ZSWIM6: variants seen among roughly 807,000 people sequenced by gnomAD.
The protein encoded by ZSWIM6 is zinc finger SWIM-type containing 6.
A neutral mutation model predicts 113.2 loss-of-function variants in ZSWIM6; 9 were observed. The observed-to-expected ratio is 0.08, with a 90% CI of 0.05 to 0.14. The LOEUF (loss-of-function observed/expected upper bound fraction) is 0.14, where lower values mean the gene tolerates loss of function less well. ZSWIM6 is among the 10% of genes least tolerant of loss of function. The pLI, the probability that ZSWIM6 is intolerant of heterozygous loss-of-function variation, is 1.00. For synonymous variants in ZSWIM6, 611 were observed against 606.5 expected, an observed-to-expected ratio of 1.01 and a Z score of -0.11; for missense variants, 1,162 against 1,552.2, an observed-to-expected ratio of 0.75 and a Z score of 4.22.
intron 1 of ZSWIM6, among the ~76,000 whole-genome samples, chr5:61,363,425 A>G (rs542751308): frequency 1.3e-5 from 2 of 152,342 alleles, no homozygotes; most frequent in East Asian, 3.9e-4. Flanking sequence ...ATTTTATAGT[A>G]CTTACCTTGC....
At chr5:61,518,597 A>G (rs989748944) in intron 4 of ZSWIM6, among the ~76,000 whole-genome samples, 2 of 152,126 alleles carry the variant, frequency 1.3e-5, no homozygotes, top group Admixed American at 6.5e-5. Flanking sequence ...CTTTTGAGAA[A>G]TGTCTGTTCA....
At chr5:61,348,923 C>T (rs1024405189) in intron 1 of ZSWIM6, among the ~76,000 whole-genome samples, 3 of 152,118 alleles carry the variant, frequency 2.0e-5, no homozygotes, top group Admixed American at 6.5e-5. Flanking sequence ...GCCTGATTCA[C>T]GGTCTTTTCC....
intron 1 of ZSWIM6, among the ~76,000 whole-genome samples, chr5:61,385,938 C>T (rs1351564180): frequency 6.6e-6 from 1 of 152,108 alleles, no homozygotes; most frequent in African/African-American, 2.4e-5. Context: ...AGGGGGAGAA[C>T]CCTCCCAATA....
chr5:61,333,514 C>T (rs1412230759), intron 1 of ZSWIM6, among the ~76,000 whole-genome samples: 2 of 152,008 alleles, frequency 1.3e-5, no homozygotes. Flanking sequence ...CCGCTCCTCC[C>T]AGGGCTCCGA....
chr5:61,436,128 G>A (rs1746701536), intron 1 of ZSWIM6, among the ~76,000 whole-genome samples: 1 of 151,458 alleles, frequency 6.6e-6, no homozygotes, highest in African/African-American at 2.4e-5. Context: ...TTGAACCCAG[G>A]AGGCAGAAAT....
intron 1 of ZSWIM6, among the ~76,000 whole-genome samples, chr5:61,431,029 T>C (rs1180278545): frequency 6.6e-6 from 1 of 152,164 alleles, no homozygotes; most frequent in Non-Finnish European, 1.5e-5. Context: ...AGAAGGGATA[T>C]GTATGAGAGG....
intron 11 of ZSWIM6, 96 bp from the exon 12 acceptor site, chr5:61,539,500 C>A: frequency 7.5e-7 from 1 of 1,332,654 alleles, no homozygotes; most frequent in Non-Finnish European, 9.9e-7. Context: ...CTTTTTTCCC[C>A]CTCTGTGTGT....
At chr5:61,490,640 A>G (rs1748154910) in intron 2 of ZSWIM6, 146 bp from the exon 3 acceptor site, 1 of 738,874 alleles carries the variant, frequency 1.4e-6, no homozygotes, top group South Asian at 2.1e-5. Context: ...AATAAGAGTG[A>G]TCCTTGTATT....
chr5:61,370,094 T>G (rs1025442544), intron 1 of ZSWIM6, among the ~76,000 whole-genome samples: 2 of 152,248 alleles, frequency 1.3e-5, no homozygotes, highest in African/African-American at 4.8e-5. Context: ...TTTTTTCTTT[T>G]GCATCCTCTG....
intron 1 of ZSWIM6, chr5:61,391,257 T>TA: frequency 3.3e-6 from 3 of 898,788 alleles, no homozygotes; most frequent in Non-Finnish European, 5.7e-6. Context: ...GGTTCACAGG[T>TA]ACCTGCTGCT....
chr5:61,446,844 G>A (rs756959642), intron 1 of ZSWIM6, among the ~76,000 whole-genome samples: 9 of 151,736 alleles, frequency 5.9e-5, no homozygotes, highest in East Asian at 1.9e-4. Context: ...ACATGTACAC[G>A]CACACACACA....
intron 2 of ZSWIM6, among the ~76,000 whole-genome samples, chr5:61,483,693 C>T (rs1226572611): frequency 2.7e-5 from 4 of 149,852 alleles, no homozygotes; most frequent in African/African-American, 4.9e-5. Flanking sequence ...AGGATGAAAC[C>T]CCGTCTCTAC....
intron 12 of ZSWIM6, among the ~76,000 whole-genome samples, chr5:61,540,496 G>C (rs1749699512): frequency 6.6e-6 from 1 of 152,080 alleles, no homozygotes; most frequent in South Asian, 2.1e-4. Context: ...TAATTAATCT[G>C]GTGTTTTAGT....
At chr5:61,333,818 G>T (rs1310970240) in intron 1 of ZSWIM6, among the ~76,000 whole-genome samples, 1 of 152,060 alleles carries the variant, frequency 6.6e-6, no homozygotes, top group Non-Finnish European at 1.5e-5. Context: ...CCCGCCGCCC[G>T]AGTTTTGTTT....
intron 10 of ZSWIM6, among the ~76,000 whole-genome samples, chr5:61,536,138 G>A (rs998234384): frequency 1.3e-5 from 2 of 152,224 alleles, no homozygotes; most frequent in African/African-American, 4.8e-5. Context: ...TGAAGGAGTC[G>A]CTATTCGGGG....
chr5:61,361,357 C>A (rs1745029783), intron 1 of ZSWIM6, among the ~76,000 whole-genome samples: 1 of 152,130 alleles, frequency 6.6e-6, no homozygotes, highest in South Asian at 2.1e-4. Flanking sequence ...CTCTGGATCA[C>A]CTGGAAAAAT....
At chr5:61,371,379 A>G (rs1336529165) in intron 1 of ZSWIM6, among the ~76,000 whole-genome samples, 1 of 152,230 alleles carries the variant, frequency 6.6e-6, no homozygotes, top group East Asian at 1.9e-4. Context: ...CACTGCATTT[A>G]TAGTAAAACT....
chr5:61,351,757 C>G (rs1744789850), intron 1 of ZSWIM6, among the ~76,000 whole-genome samples: 1 of 152,158 alleles, frequency 6.6e-6, no homozygotes. Context: ...GCCATCACAT[C>G]AAGCATTTCC....
intron 1 of ZSWIM6, among the ~76,000 whole-genome samples, chr5:61,368,573 C>A (rs1045645253): frequency 6.6e-6 from 1 of 152,224 alleles, no homozygotes; most frequent in African/African-American, 2.4e-5. Context: ...TTTAAAATAA[C>A]GTTTGGGCTT....
Sources: allele counts gnomAD v4.1 joint callset (sites outside exome capture counted in the v4.1 genomes callset), GRCh38; gene constraint gnomAD v4.1.1; transcripts MANE v1.5; gene names NCBI Gene and HGNC (gene_info 2026-07-23, HGNC 2026-07-21).